Variants in KLHL6 observed in about 807,000 individuals in gnomAD.
KLHL6 encodes the protein kelch like family member 6.
KLHL6 carries 41 observed loss-of-function variants against 58.6 expected under a neutral mutation model. The ratio of observed to expected loss-of-function variants is 0.70; its 90% CI spans 0.55 to 0.91. The LOEUF (loss-of-function observed/expected upper bound fraction) is 0.91, where lower values mean the gene tolerates loss of function less well. KLHL6 is among the 40% of genes least tolerant of loss of function. The probability of loss-of-function intolerance (pLI) is 0.00; values close to 1 mark genes in which losing one functional copy is unlikely to be tolerated. For missense variants in KLHL6, 714 were observed against 805.6 expected (o/e 0.89, Z 1.38); for synonymous variants, 338 against 322.7 (o/e 1.05, Z -0.51).
Position 183,492,096 on chromosome 3 carries a change from C to A in KLHL6, c.1697G>T (p.Arg566Leu). 1.2e-6 allele frequency: 2 copies of A among 1,613,840 alleles called. No individual in the cohort carries two copies. Among genetic ancestry groups the A allele is most frequent in the Non-Finnish European group, 1.7e-6 (2 of 1,180,016 alleles). ...CNNRLYITGG[R>L]DEKNEVIATV... ...GGCGATAACCTCGTTCTTCTCGTCC[C>A]GCCCGCCGGTGATGTAGAGCCGGTT... The change falls in exon 7 of 7, where the codon CGG becomes CTG. Residue 566 changes from arginine to leucine, a missense_variant. By Grantham distance (102) the Arg-to-Leu change is moderately radical. This residue lies in a region of KLHL6 where 510 missense variants were observed against 629.7 expected (regional missense o/e 0.81). Coordinates refer to ENST00000341319, the MANE Select transcript of KLHL6 (RefSeq NM_130446.4). The surrounding 1 kb of genome is among the most constrained non-coding windows in gnomAD (Gnocchi z 5.9).
Position 183,488,748 on chromosome 3 carries a change from G to A in KLHL6, c.*3179C>T, listed in dbSNP as rs1577170392. ...TTTTAGAAGTTCTCATCCTTGGCTG[G>A]TGCCTAGAAGCTAAAACCCTGATGA... On this transcript the variant is annotated 3_prime_UTR_variant, in exon 7 of 7. Coordinates refer to ENST00000341319, the MANE Select transcript of KLHL6 (RefSeq NM_130446.4). 1 of 152,192 alleles carries A rather than the reference G, an allele frequency of 6.6e-6. No individual in the cohort carries two copies. The highest frequency in any genetic ancestry group is 1.9e-4 in the East Asian group (1 of 5,198). The allele number at this position is 152,192 out of a possible 1,614,324, so 9.4% of individuals were successfully genotyped here.
rs1433303180 is a variant in KLHL6, at chr3:183,489,308, G to A, written c.*2619C>T. The stretch of plus-strand genomic sequence containing the variant: ...AAATCAGTTCACAAATGGTTCTGGT[G>A]GCGATCTCAAAGAGACAAACATGTA... On this transcript the variant is annotated 3_prime_UTR_variant, in exon 7 of 7. Coordinates refer to ENST00000341319, the MANE Select transcript of KLHL6 (RefSeq NM_130446.4). 6.6e-6 allele frequency: 1 copy of A among 152,150 alleles called. No homozygotes were observed. The highest frequency in any genetic ancestry group is 1.5e-5 in the Non-Finnish European group (1 of 68,042). The allele number at this position is 152,150 out of a possible 1,614,324, so 9.4% of individuals were successfully genotyped here. A position where few individuals can be genotyped will look rare whatever the true frequency, so the allele number is the denominator to read the frequency against.
intron 2 of KLHL6, among the ~76,000 whole-genome samples, chr3:183,523,958 A>G (rs967616044): frequency 6.6e-6 from 1 of 151,974 alleles, no homozygotes; most frequent in African/African-American, 2.4e-5. Flanking sequence ...ACGGGGTTTC[A>G]TCATGTTGGC....
chr3:183,488,448 C>A lies in KLHL6; in HGVS notation c.*3479G>T, dbSNP rs1717457276. ...AGAGCCAAGCTCACAAACTCCAGGG[C>A]CTCCGATATCATTTTCCAGACCTGC... On this transcript the variant is annotated 3_prime_UTR_variant, in exon 7 of 7. Transcript: ENST00000341319. 2 of 152,664 alleles carry A rather than the reference C, an allele frequency of 1.3e-5. No homozygotes were observed. Among genetic ancestry groups the A allele is most frequent in the African/African-American group, 2.4e-5 (1 of 41,460 alleles). The allele number at this position is 152,664 out of a possible 1,614,324, so 9.5% of individuals were successfully genotyped here.
chr3:183,499,056 C>T lies in KLHL6; in HGVS notation c.1147+534G>A, dbSNP rs12054472. 0.1 allele frequency among the ~76,000 whole-genome samples: 15,490 copies of T among 152,134 alleles called. 2,188 individuals carry two copies. The highest frequency in any genetic ancestry group is 0.31 in the African/African-American group (12,810 of 41,446). ...CCCAGGTTTTCTATTAATAGTACAA[C>T]GCTGGCCGGACGAGGTGGCTCACGC... On this transcript the variant is annotated intron_variant, in intron 4 of 6. Transcript: ENST00000341319. The surrounding 1 kb of genome is among the most constrained non-coding windows in gnomAD (Gnocchi z 4.6).
chr3:183,540,093 C>T (rs1425604028), intron 1 of KLHL6, among the ~76,000 whole-genome samples: 1 of 152,176 alleles, frequency 6.6e-6, no homozygotes, highest in African/African-American at 2.4e-5. Flanking sequence ...GGGAAACACC[C>T]CACCGTCCAA....
At chr3:183,535,641 G>C (rs1465143066) in intron 1 of KLHL6, among the ~76,000 whole-genome samples, 1 of 152,170 alleles carries the variant, frequency 6.6e-6, no homozygotes, top group Non-Finnish European at 1.5e-5. Context: ...TCTAAAGGAG[G>C]GATGTTCCAA....
intron 1 of KLHL6, among the ~76,000 whole-genome samples, chr3:183,534,950 ATT>A (rs1314848457): frequency 0.018 from 1,721 of 96,718 alleles, 39 homozygotes; most frequent in African/African-American, 0.044. Context: ...ATATATATAT[ATT>A]TTTTTTTTTT....
At chr3:183,538,144 T>C (rs1712426448) in intron 1 of KLHL6, among the ~76,000 whole-genome samples, 1 of 152,136 alleles carries the variant, frequency 6.6e-6, no homozygotes, top group African/African-American at 2.4e-5. Flanking sequence ...GTCCAGGGCC[T>C]AGAGCTTGAA....
intron 1 of KLHL6, among the ~76,000 whole-genome samples, chr3:183,547,982 T>A (rs1221409686): frequency 6.6e-6 from 1 of 152,200 alleles, no homozygotes; most frequent in Admixed American, 6.5e-5. Context: ...CAGAGCCTCC[T>A]TGTGCTCATA....
In KLHL6 at chr3:183,492,037, G is replaced by C; in HGVS notation, c.1756C>G (p.Leu586Val). The C allele has an allele frequency of 6.2e-7, 1 of 1,613,938 alleles. No homozygotes were observed. Among genetic ancestry groups the C allele is most frequent in the East Asian group, 2.2e-5 (1 of 44,872 alleles). Residue 586 changes from leucine (L) to valine (V), a missense_variant, in exon 7 of 7, where the codon CTG (leucine) becomes GTG (valine). This residue lies in a region of KLHL6 where 510 missense variants were observed against 629.7 expected (regional missense o/e 0.81). Coordinates refer to ENST00000341319, the MANE Select transcript of KLHL6 (RefSeq NM_130446.4). The surrounding 1 kb of genome is among the most constrained non-coding windows in gnomAD (Gnocchi z 5.9). The part of the protein sequence containing the change: ...VLCWDPEAQK[L>V]TEECVLPRGV... Reference sequence around the variant, plus strand: ...CGGGGCAGGACGCACTCCTCTGTCAGTTTCTGGGCCTCGGGGTCCCAGCAC... The same window carrying C: ...CGGGGCAGGACGCACTCCTCTGTCACTTTCTGGGCCTCGGGGTCCCAGCAC...
rs554508456 is a variant in KLHL6, at chr3:183,555,499, G to A, written c.155C>T (p.Ala52Val). The A allele has an allele frequency of 9.4e-5, 151 of 1,614,110 alleles. No individual in the cohort carries two copies. The South Asian group carries it at 1.5e-3, about 16-fold the overall frequency. The change falls in exon 1 of 7, where the codon GCG becomes GTG. Residue 52 changes from alanine to valine, a missense_variant. Transcript: ENST00000341319. ...ATTCTGAAGAATTAAGGAGAGTCCC[G>A]CGTCGTCAAATTTGACCTTTTCCCC... ...LNGEKVKFDD[A>V]GLSLILQNGL...
chr3:183,525,269 A>AAAAAACACAC (rs55871319), intron 2 of KLHL6, among the ~76,000 whole-genome samples: 14 of 133,866 alleles, frequency 1.0e-4, no homozygotes, highest in African/African-American at 3.0e-4. Context: ...CTAAAAAAAA[A>AAAAAACACAC]ACACACACAC....
rs868826583 is a variant in KLHL6, at chr3:183,492,139, C to T, written c.1654G>A (p.Gly552Ser). 3.7e-6 allele frequency: 6 copies of T among 1,613,656 alleles called. No individual in the cohort carries two copies. The East Asian group carries it at 1.3e-4, about 36-fold the overall frequency. Residue 552 changes from glycine to serine, a missense_variant, in exon 7 of 7, where the codon GGT becomes AGT. Physicochemically the swap from Gly to Ser is moderately conservative, Grantham distance 56 (BLOSUM62 0). Around this residue, in one of 2 missense-constraint regions of KLHL6, gnomAD observed 510 missense variants for 629.7 expected, o/e 0.81. Transcript: ENST00000341319. The surrounding 1 kb of genome is among the most constrained non-coding windows in gnomAD (Gnocchi z 5.9). ...AGCCGGTTGTTGCAGGGCGCGATAC[C>T]GCAGCTGGCCCGCTCGTGGCTGAGC... ...TQLSHERASC[G>S]IAPCNNRLYI...
At position 183,492,566 on chromosome 3, in the gene KLHL6, A is replaced by G; in HGVS notation, c.1492T>C (p.Leu498=). 6.2e-7 allele frequency: 1 copy of G among 1,614,252 alleles called. No individual in the cohort carries two copies. The highest frequency in any genetic ancestry group is 1.1e-5 in the South Asian group (1 of 91,090). ...GCCTCCACGGGCATGGCCGCCTTCA[A>G]ACTCCACTTGTTGGTGGAAGGGTCA... ...CYDPSTNKWS[L]KAAMPVEAKC... is the part of the protein sequence containing the mutation. Residue 498 remains leucine (L), a synonymous_variant, in exon 6 of 7, where the codon TTG becomes CTG. Transcript: ENST00000341319. This position sits in a 1 kb window ranked among gnomAD's most constrained non-coding sequence, Gnocchi z 5.9.
intron 1 of KLHL6, among the ~76,000 whole-genome samples, chr3:183,533,913 A>C (rs1712238398): frequency 6.6e-6 from 1 of 151,466 alleles, no homozygotes; most frequent in Admixed American, 6.6e-5. Flanking sequence ...GAAAGAACGA[A>C]GGTGAATTCC....
rs867024600 is a variant in KLHL6, at chr3:183,489,168, C to T, written c.*2759G>A. The T allele has an allele frequency of 6.6e-6, 1 of 152,158 alleles. No homozygotes were observed. The highest frequency in any genetic ancestry group is 1.5e-5 in the Non-Finnish European group (1 of 68,030). 9.4% of individuals were successfully genotyped at this position (152,158 alleles called of 1,614,324 possible). A position where few individuals can be genotyped will look rare whatever the true frequency, so the allele number is the denominator to read the frequency against. On this transcript the variant is annotated 3_prime_UTR_variant, in exon 7 of 7. Transcript: ENST00000341319. ...CCGCCATCCCCTCCCTGACTAGGGG[C>T]GCTGTCTTTTTGAAGGGAGGCTCCC...
rs200010722 is a variant in KLHL6 at position 183,534,951 on chromosome 3, T to TA, written c.294-6942_294-6941insT. Among the ~76,000 whole-genome samples the TA allele has an allele frequency of 6.6e-3, 433 of 65,136 alleles. 1 individual carries two copies. The highest frequency in any genetic ancestry group is 0.021 in the African/African-American group (330 of 15,402). The allele number at this position is 65,136 out of a possible 152,430, so 42.7% of individuals were successfully genotyped here. A position where few individuals can be genotyped will look rare whatever the true frequency, so the allele number is the denominator to read the frequency against. On this transcript the variant is annotated intron_variant, in intron 1 of 6. Coordinates refer to ENST00000341319, the MANE Select transcript of KLHL6 (RefSeq NM_130446.4). ...ATATATACATATATATATATATATATTTTTTTTTTTTGAGACAGAGTCTCT... is the reference window on the plus strand; with the variant it reads ...ATATATACATATATATATATATATATATTTTTTTTTTTGAGACAGAGTCTCT...
chr3:183,534,946 A>ATTT lies in KLHL6; in HGVS notation c.294-6937_294-6936insAAA, dbSNP rs1247398286. On this transcript the variant is annotated intron_variant, in intron 1 of 6. Transcript: ENST00000341319. Reference sequence around the variant, plus strand: ...TGCATATATATACATATATATATATATATATTTTTTTTTTTTGAGACAGAG... The same window carrying ATTT: ...TGCATATATATACATATATATATATATTTTATATTTTTTTTTTTTGAGACAGAG... Among the ~76,000 whole-genome samples the ATTT allele has an allele frequency of 4.8e-3, 468 of 96,726 alleles. 3 individuals are homozygous for ATTT. Among genetic ancestry groups the ATTT allele is most frequent in the African/African-American group, 0.019 (445 of 23,318 alleles). 63.5% of individuals were successfully genotyped at this position (96,726 alleles called of 152,430 possible). A position where few individuals can be genotyped will look rare whatever the true frequency, so the allele number is the denominator to read the frequency against.
Sources: gnomAD v4.1 joint callset for allele counts (sites outside exome capture counted in the v4.1 genomes callset) on GRCh38, gnomAD v4.1.1 for gene constraint, gnomAD v4.1.1 regional missense constraint, Gnocchi (gnomAD v3.1) non-coding constraint, MANE v1.5 for transcripts, NCBI Gene and HGNC (gene_info 2026-07-23, HGNC 2026-07-21) for gene names.